The following TEX36 variants were observed in gnomAD, a reference collection of about 807,000 sequenced individuals.
TEX36 encodes testis-expressed protein 36.
In TEX36, 12 loss-of-function variants were observed where a neutral mutation model predicts 13.6. The observed-to-expected ratio is 0.88, with a 90% CI of 0.56 to 1.43. The LOEUF is 1.43. Ranked by LOEUF, TEX36 falls within the 40% of genes most tolerant of loss-of-function variation. The pLI is 0.00. For synonymous variants in TEX36, 93 were observed against 83.0 expected, an observed-to-expected ratio of 1.12 and a Z score of -0.65; for missense variants, 224 against 228.3, an observed-to-expected ratio of 0.98 and a Z score of 0.12.
chr10:125,661,175 G>A, intron 2 of TEX36, 74 bp from the exon 3 acceptor site: 3 of 1,248,286 alleles, frequency 2.4e-6, no homozygotes, highest in Non-Finnish European at 3.4e-6. Flanking sequence ...ATCGGGTGAT[G>A]TGGAAGGAAG....
chr10:125,638,676 G>C (rs1360397041), intron 3 of TEX36, among the ~76,000 whole-genome samples: 1 of 152,192 alleles, frequency 6.6e-6, no homozygotes, highest in African/African-American at 2.4e-5. Flanking sequence ...CTAAGCCACC[G>C]TGCCCAGCTG....
intron 3 of TEX36, among the ~76,000 whole-genome samples, chr10:125,638,580 TAAAC>T (rs989650729): frequency 5.9e-5 from 9 of 152,314 alleles, no homozygotes; most frequent in Middle Eastern, 3.4e-3. Flanking sequence ...TATGTTGTTG[TAAAC>T]AAACAAACAA....
intron 3 of TEX36, among the ~76,000 whole-genome samples, chr10:125,584,389 A>G (rs771054977): frequency 1.3e-5 from 2 of 152,262 alleles, no homozygotes; most frequent in African/African-American, 2.4e-5. Flanking sequence ...CAGAAATAAG[A>G]GTATAAAAAT....
intron 3 of TEX36, among the ~76,000 whole-genome samples, chr10:125,584,638 G>C (rs1589740078): frequency 6.6e-6 from 1 of 152,152 alleles, no homozygotes; most frequent in Non-Finnish European, 1.5e-5. Context: ...CAATGGAATA[G>C]TGTACTTGTA....
At chr10:125,668,239 T>C (rs1430846591) in intron 1 of TEX36, among the ~76,000 whole-genome samples, 2 of 152,130 alleles carry the variant, frequency 1.3e-5, no homozygotes, top group Non-Finnish European at 2.9e-5. Context: ...TCAAGACAAT[T>C]GGTATTTGGG....
chr10:125,592,092 A>G (rs1267817987), intron 3 of TEX36, among the ~76,000 whole-genome samples: 1 of 152,242 alleles, frequency 6.6e-6, no homozygotes, highest in African/African-American at 2.4e-5. Context: ...CAGAGCTTGG[A>G]AAAACAAAAT....
At chr10:125,615,347 C>T (rs887177343) in intron 3 of TEX36, among the ~76,000 whole-genome samples, 1 of 152,182 alleles carries the variant, frequency 6.6e-6, no homozygotes, top group African/African-American at 2.4e-5. Context: ...GAGAGTGCAT[C>T]CCTGTCTTGT....
chr10:125,577,322 C>T (rs1845835998), intron 3 of TEX36, among the ~76,000 whole-genome samples: 2 of 152,104 alleles, frequency 1.3e-5, no homozygotes, highest in South Asian at 4.1e-4. Flanking sequence ...CATGGCGAAA[C>T]CCTGTCTCTA....
At chr10:125,676,769 T>C (rs1468979607) in intron 1 of TEX36, among the ~76,000 whole-genome samples, 1 of 152,174 alleles carries the variant, frequency 6.6e-6, no homozygotes, top group Non-Finnish European at 1.5e-5. Context: ...ATCCTTTCTC[T>C]TCCTCCTTTG....
chr10:125,620,736 C>A (rs1301275218), downstream of TEX36, among the ~76,000 whole-genome samples: 3 of 152,180 alleles, frequency 2.0e-5, no homozygotes, highest in African/African-American at 7.2e-5. Flanking sequence ...AGAACATTTT[C>A]ATCTTGCAAA....
At chr10:125,578,615 C>T (rs769750675) in intron 3 of TEX36, among the ~76,000 whole-genome samples, 11 of 152,080 alleles carry the variant, frequency 7.2e-5, no homozygotes, top group Non-Finnish European at 1.6e-4. Flanking sequence ...AGGTGGGGTA[C>T]CTTGTCGTCC....
At chr10:125,630,839 T>C (rs1846544164) in intron 3 of TEX36, among the ~76,000 whole-genome samples, 1 of 151,914 alleles carries the variant, frequency 6.6e-6, no homozygotes, top group African/African-American at 2.4e-5. Flanking sequence ...AGAGAGGAAA[T>C]TACCCAAGGG....
chr10:125,583,504 G>A (rs1226286748), intron 3 of TEX36, among the ~76,000 whole-genome samples: 1 of 152,136 alleles, frequency 6.6e-6, no homozygotes, highest in Non-Finnish European at 1.5e-5. Context: ...TCTTTTGTAA[G>A]GTATTAATCT....
chr10:125,626,392 T>C (rs533088489), intron 3 of TEX36, among the ~76,000 whole-genome samples: 4 of 152,336 alleles, frequency 2.6e-5, no homozygotes, highest in East Asian at 1.9e-4. Flanking sequence ...AGAATAGTCA[T>C]TAACGCTCAT....
intron 1 of TEX36, among the ~76,000 whole-genome samples, chr10:125,676,598 T>A (rs1324214259): frequency 6.6e-6 from 1 of 152,240 alleles, no homozygotes; most frequent in African/African-American, 2.4e-5. Flanking sequence ...TGTAAATGGA[T>A]AATTTAAGGT....
chr10:125,589,477 G>T (rs1403501735), intron 3 of TEX36, among the ~76,000 whole-genome samples: 2 of 152,268 alleles, frequency 1.3e-5, no homozygotes, highest in African/African-American at 2.4e-5. Flanking sequence ...TGTGATATTG[G>T]TTGATACACT....
intron 3 of TEX36, among the ~76,000 whole-genome samples, chr10:125,648,055 C>T (rs1224908829): frequency 6.6e-6 from 1 of 152,256 alleles, no homozygotes; most frequent in Non-Finnish European, 1.5e-5. Context: ...TGGCCTGCCT[C>T]TGTAGACTTC....
chr10:125,652,093 A>G (rs1846869092), downstream of TEX36, among the ~76,000 whole-genome samples: 1 of 152,236 alleles, frequency 6.6e-6, no homozygotes, highest in Non-Finnish European at 1.5e-5. Context: ...ATTCAATGCC[A>G]TCCCCATCAA....
Position 125,655,752 on chromosome 10 carries a change from C to T in TEX36, c.*148G>A, listed in dbSNP as rs950864150. ...TGCGTATGTCATCACAAATTCATTT[C>T]ACAAGGATTTGAATGTTTTTTGACC... On this transcript the variant is annotated 3_prime_UTR_variant, in exon 4 of 4. Coordinates refer to ENST00000368821, the MANE Select transcript of TEX36 (RefSeq NM_001128202.3). 1 of 1,333,796 alleles carries T rather than the reference C, an allele frequency of 7.5e-7. No homozygotes were observed. Among genetic ancestry groups the T allele is most frequent in the African/African-American group, 1.5e-5 (1 of 66,926 alleles). 82.6% of individuals were successfully genotyped at this position (1,333,796 alleles called of 1,614,324 possible). A position where few individuals can be genotyped will look rare whatever the true frequency, so the allele number is the denominator to read the frequency against.
Sources: allele counts gnomAD v4.1 joint callset (sites outside exome capture counted in the v4.1 genomes callset), GRCh38; gene constraint gnomAD v4.1.1; transcripts MANE v1.5; gene names NCBI Gene and HGNC (gene_info 2026-07-23, HGNC 2026-07-21).